Variants in VGLL4 observed in about 807,000 individuals in gnomAD.
VGLL4 encodes the protein transcription cofactor vestigial-like protein 4.
VGLL4 carries 7 observed loss-of-function variants against 21.0 expected under a neutral mutation model. The ratio of observed to expected loss-of-function variants is 0.33; its 90% CI spans 0.19 to 0.63. VGLL4 has a LOEUF of 0.63. Ranked by LOEUF, VGLL4 falls within the 20% of genes least tolerant of loss-of-function variation. The pLI is 0.78. For synonymous variants in VGLL4, 222 were observed against 173.2 expected, an observed-to-expected ratio of 1.28 and a Z score of -2.21; for missense variants, 394 against 425.7, an observed-to-expected ratio of 0.93 and a Z score of 0.66.
intron 2 of VGLL4, among the ~76,000 whole-genome samples, chr3:11,676,445 T>G (rs2076294143): frequency 6.7e-6 from 1 of 148,570 alleles, no homozygotes; most frequent in African/African-American, 2.5e-5. Context: ...AATAATAATT[T>G]TACAACACCT....
In VGLL4 at chr3:11,683,756, T is replaced by C. The variant is rs534103044; in HGVS notation, c.64+19215A>G. On this transcript the variant is annotated intron_variant, in intron 2 of 5. Coordinates refer to the VGLL4 transcript ENST00000273038. The stretch of plus-strand genomic sequence containing the variant: ...TTGCAGTGAGCCAAGATTAGACGAC[T>C]GCACTCCAGCCTGGGTGACAGAGGA... 2.0e-5 allele frequency among the ~76,000 whole-genome samples: 3 copies of C among 151,952 alleles called. No individual in the cohort carries two copies. In the East Asian group the frequency reaches 5.8e-4, roughly 29 times the overall value.
At chr3:11,698,832 C>A (rs1229914532) in intron 2 of VGLL4, among the ~76,000 whole-genome samples, 4 of 152,148 alleles carry the variant, frequency 2.6e-5, no homozygotes, top group Non-Finnish European at 5.9e-5. Context: ...CATACTGAAG[C>A]CTTAATACTA....
chr3:11,575,121 T>C (rs1253192730), intron 2 of VGLL4, among the ~76,000 whole-genome samples: 2 of 152,186 alleles, frequency 1.3e-5, no homozygotes, highest in South Asian at 2.1e-4. Context: ...GGGATCTGCC[T>C]GGGGCCATGT....
intron 3 of VGLL4, among the ~76,000 whole-genome samples, chr3:11,562,684 G>A (rs2073131096): frequency 1.3e-5 from 2 of 152,246 alleles, no homozygotes; most frequent in Non-Finnish European, 2.9e-5. Flanking sequence ...CCCACGAATG[G>A]TTACGACATG....
upstream of VGLL4, among the ~76,000 whole-genome samples, chr3:11,644,815 C>A: frequency 1.4e-5 from 2 of 138,838 alleles, no homozygotes; most frequent in South Asian, 2.2e-4. Flanking sequence ...CACTGCACTC[C>A]AGCCTGGGCA....
Position 11,632,942 on chromosome 3 carries a change from C to T in VGLL4, c.82+10495G>A, listed in dbSNP as rs941850062. ...TGTCCAAAGTCAAGTAACTAGAAAG[C>T]AAGACGAACAAGGGCAGCTATCTGT... On this transcript the variant is annotated intron_variant, in intron 1 of 4. Transcript: ENST00000430365. Among the ~76,000 whole-genome samples, 4 of 152,282 alleles carry T rather than the reference C, an allele frequency of 2.6e-5. No individual in the cohort carries two copies. The East Asian group carries it at 5.8e-4, about 22-fold the overall frequency.
chr3:11,707,751 C>CGGGAGGCTGAGGT (rs2076783088), intron 1 of VGLL4, among the ~76,000 whole-genome samples: 1 of 152,136 alleles, frequency 6.6e-6, no homozygotes, highest in Non-Finnish European at 1.5e-5. Context: ...CCCAGCTACT[C>CGGGAGGCTGAGGT]GGGAGGCTGA....
At position 11,558,474 on chromosome 3, in the gene VGLL4, GA is replaced by G; in HGVS notation, c.*81del. ...TCCCTTCCCCCCACCCCACCCCCAT[GA>G]TTTTTTTTTTTTTAAGTACTGACTG... On this transcript the variant is annotated 3_prime_UTR_variant, in exon 5 of 5. Coordinates refer to ENST00000430365, the MANE Select transcript of VGLL4 (RefSeq NM_001128219.3). 4.0e-6 allele frequency: 5 copies of G among 1,238,902 alleles called. No individual in the cohort carries two copies. Among genetic ancestry groups the G allele is most frequent in the African/African-American group, 3.1e-5 (2 of 63,896 alleles). The allele number at this position is 1,238,902 out of a possible 1,614,324, so 76.7% of individuals were successfully genotyped here. A position where few individuals can be genotyped will look rare whatever the true frequency, so the allele number is the denominator to read the frequency against.
At chr3:11,594,135 T>A (rs1197836910) in intron 2 of VGLL4, among the ~76,000 whole-genome samples, 18 of 152,234 alleles carry the variant, frequency 1.2e-4, no homozygotes, top group Admixed American at 1.2e-3. Flanking sequence ...GACATTGGAC[T>A]GGTCAAGTGT....
chr3:11,643,981 G>A, upstream of VGLL4: 1 of 990,374 alleles, frequency 1.0e-6, no homozygotes, highest in Non-Finnish European at 1.2e-6. Context: ...TCACTGCGCC[G>A]CGCTGCCGAG....
chr3:11,622,527 T>G (rs1429034686), intron 1 of VGLL4, among the ~76,000 whole-genome samples: 1 of 152,244 alleles, frequency 6.6e-6, no homozygotes, highest in African/African-American at 2.4e-5. Context: ...GCTCCCATGC[T>G]AGAATGCTCC....
chr3:11,642,211 C>A (rs1211783779), intron 1 of VGLL4, among the ~76,000 whole-genome samples: 9 of 152,034 alleles, frequency 5.9e-5, no homozygotes, highest in Admixed American at 1.3e-4. Flanking sequence ...ATAGCAGGAA[C>A]TAGTAGGAGT....
chr3:11,583,967 C>T (rs987055231), intron 2 of VGLL4, among the ~76,000 whole-genome samples: 3 of 152,236 alleles, frequency 2.0e-5, no homozygotes, highest in African/African-American at 7.2e-5. Flanking sequence ...GTATTAAACA[C>T]ATACAATCAT....
chr3:11,557,204 C>T lies in VGLL4; in HGVS notation c.*1352G>A, dbSNP rs1384526110. On this transcript the variant is annotated 3_prime_UTR_variant, in exon 5 of 5. Coordinates refer to ENST00000430365, the MANE Select transcript of VGLL4 (RefSeq NM_001128219.3). ...ACAGCTGTGTCTGTCATGCTTGCTT[C>T]ATCTAATTTCTAGTTAGTAGCTATT... 6.5e-6 allele frequency: 1 copy of T among 152,756 alleles called. No individual in the cohort carries two copies. The highest frequency in any genetic ancestry group is 2.1e-4 in the South Asian group (1 of 4,828). 9.5% of individuals were successfully genotyped at this position (152,756 alleles called of 1,614,324 possible).
intron 1 of VGLL4, 47 bp from the exon 2 acceptor site, chr3:11,602,069 C>T (rs1224425610): frequency 1.4e-6 from 2 of 1,454,728 alleles, no homozygotes; most frequent in Non-Finnish European, 9.0e-7. Context: ...GAAAGGCCCC[C>T]ATCTCAGTCC....
chr3:11,573,253 AAG>A (rs1176595697), intron 2 of VGLL4, among the ~76,000 whole-genome samples: 60 of 4,396 alleles, frequency 0.014, 3 homozygotes, highest in Non-Finnish European at 4.4e-3. Context: ...TAGAGAAAGA[AAG>A]AAAGAAAGAA....
At chr3:11,573,959 C>T (rs914260923) in intron 2 of VGLL4, among the ~76,000 whole-genome samples, 2 of 152,070 alleles carry the variant, frequency 1.3e-5, no homozygotes, top group African/African-American at 4.8e-5. Context: ...CAGACACATA[C>T]GGAGGGAAGA....
At chr3:11,582,688 A>G (rs2074264246) in intron 2 of VGLL4, among the ~76,000 whole-genome samples, 1 of 152,228 alleles carries the variant, frequency 6.6e-6, no homozygotes, top group African/African-American at 2.4e-5. Flanking sequence ...AGGCTAAAGA[A>G]AACACAGGAG....
chr3:11,629,044 T>C (rs1487201552), intron 1 of VGLL4, among the ~76,000 whole-genome samples: 1 of 152,182 alleles, frequency 6.6e-6, no homozygotes, highest in Non-Finnish European at 1.5e-5. Context: ...GCCATAGCTA[T>C]AGGAAAAATA....
Sources: allele counts gnomAD v4.1 joint callset (sites outside exome capture counted in the v4.1 genomes callset), GRCh38; gene constraint gnomAD v4.1.1; transcripts MANE v1.5; gene names NCBI Gene and HGNC (gene_info 2026-07-23, HGNC 2026-07-21).